Variants in MUC22 observed in about 807,000 individuals in gnomAD.
MUC22 encodes the protein mucin 22.
MUC22 carries 24 observed loss-of-function variants against 40.3 expected under a neutral mutation model. The observed-to-expected ratio is 0.60, with a 90% CI of 0.43 to 0.84. The LOEUF (loss-of-function observed/expected upper bound fraction) is 0.84. MUC22 is among the 40% of genes least tolerant of loss of function. MUC22 has a pLI of 0.00. For missense variants in MUC22, 1,926 were observed against 2,130.7 expected, an observed-to-expected ratio of 0.90 and a Z score of 1.89; for synonymous variants, 765 against 844.5, an observed-to-expected ratio of 0.91 and a Z score of 1.63.
At chr6:31,007,574 A>G (rs1423334780), upstream of MUC22, among the ~76,000 whole-genome samples, 1 of 152,182 alleles carries the variant, frequency 6.6e-6, no homozygotes, top group African/African-American at 2.4e-5. The surrounding 1 kb of genome is among the most constrained non-coding windows in gnomAD (Gnocchi z 4.0). Flanking sequence ...AAGAAAATCT[A>G]AGCCGGTACA....
Position 31,032,565 on chromosome 6 carries a change from G to C in MUC22, c.5039G>C (p.Gly1680Ala). Reference sequence around the variant, plus strand: ...GTGGCTGCTGTTGGATTGTCAGTAGGACTGAGTTTTTGTCTGGTGAGTACC... The same window carrying C: ...GTGGCTGCTGTTGGATTGTCAGTAGCACTGAGTTTTTGTCTGGTGAGTACC... Residue 1680 changes from glycine to alanine, a missense_variant, in exon 3 of 4, where the codon GGA becomes GCA. Gly to Ala is a moderately conservative substitution (Grantham distance 60, BLOSUM62 0). Around this residue, in one of 3 missense-constraint regions of MUC22, gnomAD observed 610 missense variants for 714.6 expected, o/e 0.85. Coordinates refer to ENST00000561890, the Ensembl canonical transcript of MUC22. This position sits in a 1 kb window ranked among gnomAD's most constrained non-coding sequence, Gnocchi z 4.1. 6.5e-7 allele frequency: 1 copy of C among 1,534,836 alleles called. No individual in the cohort carries two copies.
At chr6:31,029,917 A>T in exon 2 of MUC22, 1 of 1,517,488 alleles carries the variant, frequency 6.6e-7, no homozygotes, top group Non-Finnish European at 8.8e-7. Context: ...CTCTGAGAGC[A>T]CCATAGCTTC....
At chr6:31,034,507 A>G (rs1766299379) in intron 3 of MUC22, among the ~76,000 whole-genome samples, 165 bp from the exon 4 acceptor site, 1 of 152,244 alleles carries the variant, frequency 6.6e-6, no homozygotes, top group Non-Finnish European at 1.5e-5. Flanking sequence ...GAACAAGGAA[A>G]AAGAGAGACA....
chr6:31,033,166 AAAGG>A (rs1439758271), intron 3 of MUC22, among the ~76,000 whole-genome samples: 1 of 152,000 alleles, frequency 6.6e-6, no homozygotes, highest in Non-Finnish European at 1.5e-5. Flanking sequence ...TCCTGTCTCG[AAAGG>A]AAGGAAGAAA....
chr6:31,017,931 C>T (rs6910475), intron 1 of MUC22, among the ~76,000 whole-genome samples: 18,208 of 152,174 alleles, frequency 0.12, 1,268 homozygotes, highest in African/African-American at 0.17. Flanking sequence ...GTCCACACTG[C>T]GTTTATGAGT....
At chr6:31,021,116 G>A (rs1431794280) in intron 1 of MUC22, among the ~76,000 whole-genome samples, 3 of 152,262 alleles carry the variant, frequency 2.0e-5, no homozygotes, top group East Asian at 1.9e-4. Flanking sequence ...AGCGCATGGC[G>A]TAGGACTGGC....
intron 3 of MUC22, among the ~76,000 whole-genome samples, chr6:31,034,150 A>G (rs576646190): frequency 7.9e-5 from 12 of 152,310 alleles, no homozygotes; most frequent in Admixed American, 6.5e-4. Context: ...GATCTTAGCT[A>G]TTTGCCCCAG....
intron 3 of MUC22, among the ~76,000 whole-genome samples, chr6:31,033,330 AAG>A (rs972763316): frequency 2.0e-5 from 3 of 152,130 alleles, no homozygotes; most frequent in Non-Finnish European, 2.9e-5. Flanking sequence ...GAAGGAAAGA[AAG>A]AGAGAGAGAA....
At chr6:31,033,781 G>C (rs1035229679) in intron 3 of MUC22, among the ~76,000 whole-genome samples, 1 of 152,182 alleles carries the variant, frequency 6.6e-6, no homozygotes, top group African/African-American at 2.4e-5. Context: ...TTCCCTCGGA[G>C]AGCCTGTTAT....
rs1766303485 is a variant in MUC22, at chr6:31,034,536, A to ACTAT, written c.5056-136_5056-135insCTAT. On this transcript the variant is annotated intron_variant, in intron 3 of 3. Transcript: ENST00000561890. The stretch of plus-strand genomic sequence containing the variant: ...AGAGACAGAGACAGAGATCATAGTA[A>ACTAT]GGATGGTGGTAAAGAGAAGAGAACA... The ACTAT allele has an allele frequency of 7.4e-6, 5 of 679,642 alleles. No homozygotes were observed. The Admixed American group carries it at 1.5e-4, about 20-fold the overall frequency. 42.1% of individuals were successfully genotyped at this position (679,642 alleles called of 1,614,324 possible).
At chr6:31,034,795 C>G in exon 4 of MUC22, 1 of 1,535,728 alleles carries the variant, frequency 6.5e-7, no homozygotes, top group Non-Finnish European at 8.7e-7. Context: ...GGGAAATGCA[C>G]TGGTTCATGG....
chr6:31,028,805 C>A, exon 2 of MUC22: 3 of 1,532,008 alleles, frequency 2.0e-6, no homozygotes, highest in Non-Finnish European at 2.6e-6. Context: ...AGCTCTGAGA[C>A]CACTACAGCC....
rs978461080 is a variant in MUC22 at position 31,011,869 on chromosome 6, C to T, written c.70+1093C>T. Among the ~76,000 whole-genome samples the T allele has an allele frequency of 2.8e-4, 43 of 152,276 alleles. No individual in the cohort carries two copies. Among genetic ancestry groups the T allele is most frequent in the African/African-American group, 1.0e-3 (43 of 41,560 alleles). On this transcript the variant is annotated intron_variant, in intron 1 of 3. Transcript: ENST00000561890. The surrounding 1 kb of genome is among the most constrained non-coding windows in gnomAD (Gnocchi z 4.5). Reference sequence around the variant, plus strand: ...ACATCTACTGTTTTTTGATTTTTTGCTTCAACCCTTCTTCGGATGCTGCCT... The same window carrying T: ...ACATCTACTGTTTTTTGATTTTTTGTTTCAACCCTTCTTCGGATGCTGCCT...
At chr6:31,009,465 C>T (rs140749981), upstream of MUC22, among the ~76,000 whole-genome samples, 2 of 152,330 alleles carry the variant, frequency 1.3e-5, no homozygotes, top group African/African-American at 4.8e-5. Flanking sequence ...CTGCCTCCTC[C>T]CCATCAGTGC....
At chr6:31,035,015 G>A in exon 4 of MUC22, 1 of 1,429,214 alleles carries the variant, frequency 7.0e-7, no homozygotes, top group Non-Finnish European at 9.3e-7. Context: ...CCATAGATTG[G>A]GTATCAAAAC....
chr6:31,016,835 G>A (rs1057336848), intron 1 of MUC22, among the ~76,000 whole-genome samples: 7 of 152,226 alleles, frequency 4.6e-5, no homozygotes, highest in South Asian at 2.1e-4. Flanking sequence ...CGGCACTTGC[G>A]GGCCAGCACT....
In MUC22 at chr6:31,028,326, C is replaced by CA; in HGVS notation, c.2896dup (p.Thr966AsnfsTer5). On this transcript the variant is annotated frameshift_variant, in exon 2 of 4. Coordinates refer to ENST00000561890, the Ensembl canonical transcript of MUC22. LOFTEE classifies it high-confidence loss of function. The stretch of plus-strand genomic sequence containing the variant: ...TTTCTACCACAGGTTCAGAGACCAC[C>CA]ACCACTTCTACTGAAGGCTCTGAGA... 6.5e-7 allele frequency: 1 copy of CA among 1,533,492 alleles called. No individual in the cohort carries two copies. The highest frequency in any genetic ancestry group is 1.2e-5 in the South Asian group (1 of 83,898). The allele number at this position is 1,533,492 out of a possible 1,614,324, so 95.0% of individuals were successfully genotyped here.
At chr6:31,014,993 C>G (rs1441633295) in intron 1 of MUC22, among the ~76,000 whole-genome samples, 1 of 152,024 alleles carries the variant, frequency 6.6e-6, no homozygotes, top group Non-Finnish European at 1.5e-5. Context: ...AGATTTATGT[C>G]TTTCCTTTTA....
At chr6:31,025,960 A>G (rs1422396013) in exon 2 of MUC22, 2 of 1,534,666 alleles carry the variant, frequency 1.3e-6, no homozygotes, top group East Asian at 2.4e-5. Context: ...TGAGACCACC[A>G]TGGCCTCCAC....
Sources: gnomAD v4.1 joint callset for allele counts (sites outside exome capture counted in the v4.1 genomes callset) on GRCh38, gnomAD v4.1.1 for gene constraint, gnomAD v4.1.1 regional missense constraint, Gnocchi (gnomAD v3.1) non-coding constraint, MANE v1.5 for transcripts, NCBI Gene and HGNC (gene_info 2026-07-23, HGNC 2026-07-21) for gene names.